LAMP3: variants seen among roughly 807,000 people sequenced by gnomAD.
LAMP3 encodes the protein lysosome associated membrane protein 3.
Under a neutral mutation model 34.8 loss-of-function variants are expected in LAMP3, and 26 were observed. The observed-to-expected ratio is 0.75, with a 90% confidence interval of 0.55 to 1.04. The LOEUF is 1.04. Among genes scored for constraint, LAMP3 ranks in the 50% least tolerant of loss-of-function variants. LAMP3 has a pLI of 0.00. For synonymous variants in LAMP3, 180 were observed against 201.9 expected, an observed-to-expected ratio of 0.89 and a Z score of 0.92; for missense variants, 495 against 524.0, an observed-to-expected ratio of 0.94 and a Z score of 0.54.
chr3:183,140,575 G>A lies in LAMP3; in HGVS notation c.909C>T (p.Ile303=), dbSNP rs1026032333. Residue 303 remains isoleucine (I), a synonymous_variant, in exon 4 of 6, where the codon ATC becomes ATT. Coordinates refer to ENST00000265598, the MANE Select transcript of LAMP3 (RefSeq NM_014398.4). ...CGGTCAAATAGGCTCCCACTTCACT[G>A]ATATAATATGATTCTTCATCCTGTA... ...TFTKDEESYY[I]SEVGAYLTVS... 1.2e-6 allele frequency: 2 copies of A among 1,601,800 alleles called. No homozygotes were observed. Among genetic ancestry groups the A allele is most frequent in the Non-Finnish European group, 1.7e-6 (2 of 1,168,924 alleles).
In LAMP3 at chr3:183,122,258, T is replaced by C. The variant is rs1423346664; in HGVS notation, c.*1823A>G. On this transcript the variant is annotated 3_prime_UTR_variant, in exon 6 of 6. Coordinates refer to ENST00000265598, the MANE Select transcript of LAMP3 (RefSeq NM_014398.4). ...TACAAAAACCTTTACTACAATTCAA[T>C]GTTTTATTAAGACTAAAGTCAGGAC... 1 of 152,230 alleles carries C rather than the reference T, an allele frequency of 6.6e-6. No homozygotes were observed. Among genetic ancestry groups the C allele is most frequent in the Admixed American group, 6.5e-5 (1 of 15,280 alleles). 9.4% of individuals were successfully genotyped at this position (152,230 alleles called of 1,614,324 possible). A position where few individuals can be genotyped will look rare whatever the true frequency, so the allele number is the denominator to read the frequency against.
At chr3:183,151,444 T>G (rs588460) in intron 3 of LAMP3, among the ~76,000 whole-genome samples, 98,829 of 128,654 alleles carry the variant, frequency 0.77, 38,088 homozygotes, top group Non-Finnish European at 0.8. Context: ...TTTTTTTTTT[T>G]GAGATGGAGT....
Position 183,140,410 on chromosome 3 carries a change from C to CA in LAMP3, c.946+127dup, listed in dbSNP as rs58229572. 506 of 194,356 alleles carry CA rather than the reference C, an allele frequency of 2.6e-3. 25 individuals are homozygous for CA. Among genetic ancestry groups the CA allele is most frequent in the African/African-American group, 8.5e-3 (112 of 13,230 alleles). 12.0% of individuals were successfully genotyped at this position (194,356 alleles called of 1,614,324 possible). Reference sequence around the variant, plus strand: ...TGGGAAACAGAGCAAGACTCCATCTCAAAAAAAAAAAAAAAAAAAAAAAAA... The same window carrying CA: ...TGGGAAACAGAGCAAGACTCCATCTCAAAAAAAAAAAAAAAAAAAAAAAAAA... On this transcript the variant is annotated intron_variant, in intron 4 of 5. Coordinates refer to ENST00000265598, the MANE Select transcript of LAMP3 (RefSeq NM_014398.4).
intron 3 of LAMP3, among the ~76,000 whole-genome samples, chr3:183,149,602 T>C (rs1403040792): frequency 9.2e-6 from 1 of 108,510 alleles, no homozygotes; most frequent in Non-Finnish European, 1.9e-5. Flanking sequence ...TATATATATA[T>C]ATATGTATAC....
intron 3 of LAMP3, among the ~76,000 whole-genome samples, chr3:183,148,133 C>G (rs1199367096): frequency 1.3e-5 from 2 of 152,146 alleles, no homozygotes; most frequent in Non-Finnish European, 2.9e-5. Context: ...AACAATGAAA[C>G]TAGACTCCTA....
intron 5 of LAMP3, among the ~76,000 whole-genome samples, chr3:183,134,264 A>C (rs1560305145): frequency 6.6e-6 from 1 of 152,122 alleles, no homozygotes; most frequent in Non-Finnish European, 1.5e-5. Context: ...GAGAGGAGTT[A>C]AGGAGAACTC....
At chr3:183,144,776 G>A (rs114510246) in intron 3 of LAMP3, among the ~76,000 whole-genome samples, 1,963 of 152,282 alleles carry the variant, frequency 0.013, 22 homozygotes, top group South Asian at 0.061. Context: ...ATGGTGGCAT[G>A]TACCTGTAGT....
At chr3:183,140,880 G>A (rs1215146757) in intron 3 of LAMP3, among the ~76,000 whole-genome samples, 1 of 152,128 alleles carries the variant, frequency 6.6e-6, no homozygotes, top group East Asian at 1.9e-4. Context: ...AGTCCCTTCG[G>A]TTGGGCCAAA....
intron 3 of LAMP3, among the ~76,000 whole-genome samples, chr3:183,145,420 G>T (rs1319435503): frequency 6.6e-6 from 1 of 152,156 alleles, no homozygotes; most frequent in Non-Finnish European, 1.5e-5. Context: ...TTATAGAAGA[G>T]GAACTGAGGC....
intron 3 of LAMP3, among the ~76,000 whole-genome samples, chr3:183,147,361 C>G (rs553224053): frequency 6.6e-6 from 1 of 152,306 alleles, no homozygotes; most frequent in African/African-American, 2.4e-5. Context: ...GGGCTAGACA[C>G]CAGCCCTGCC....
At chr3:183,153,340 C>T (rs1292116038) in intron 2 of LAMP3, among the ~76,000 whole-genome samples, 4 of 152,178 alleles carry the variant, frequency 2.6e-5, no homozygotes, top group South Asian at 2.1e-4. Context: ...TCTCATTTCA[C>T]GGGAAAGGAT....
At chr3:183,162,550 A>C in intron 1 of LAMP3, 57 bp downstream of exon 1, 1 of 1,514,728 alleles carries the variant, frequency 6.6e-7, no homozygotes, top group South Asian at 1.2e-5. Context: ...GAGTGCGTTT[A>C]GATGAAAGGG....
chr3:183,141,431 G>A (rs553676688), intron 3 of LAMP3, among the ~76,000 whole-genome samples: 12 of 152,280 alleles, frequency 7.9e-5, no homozygotes, highest in African/African-American at 2.9e-4. Context: ...AAGTTGAAAA[G>A]GGAGTTTCTA....
chr3:183,153,941 G>A lies in LAMP3; in HGVS notation c.500C>T (p.Thr167Ile). 1 of 1,614,210 alleles carries A rather than the reference G, an allele frequency of 6.2e-7. No homozygotes were observed. The highest frequency in any genetic ancestry group is 2.2e-5 in the East Asian group (1 of 44,890). Residue 167 changes from threonine to isoleucine, a missense_variant, in exon 2 of 6, where the codon ACC becomes ATC. By Grantham distance (89) the Thr-to-Ile change is moderately conservative. Transcript: ENST00000265598. ...TGCTATCGATAAAGTTGCTGGAAGG[G>A]TGGTCTGGTTACTGGGTTGAGTGGT... The part of the protein sequence containing the change: ...GNTTQPSNQT[T>I]LPATLSIALH...
At position 183,123,183 on chromosome 3, in the gene LAMP3, A is replaced by G. The variant is rs1397007492; in HGVS notation, c.*898T>C. The G allele has an allele frequency of 6.6e-6, 1 of 152,198 alleles. No individual in the cohort carries two copies. Among genetic ancestry groups the G allele is most frequent in the Non-Finnish European group, 1.5e-5 (1 of 68,042 alleles). 9.4% of individuals were successfully genotyped at this position (152,198 alleles called of 1,614,324 possible). A position where few individuals can be genotyped will look rare whatever the true frequency, so the allele number is the denominator to read the frequency against. On this transcript the variant is annotated 3_prime_UTR_variant, in exon 6 of 6. Coordinates refer to ENST00000265598, the MANE Select transcript of LAMP3 (RefSeq NM_014398.4). ...AGCAGGAGTCATCAAGATAAAAAATATAAGCTGATTTGTTCTTTTTGTTGG... is the reference window on the plus strand; with the variant it reads ...AGCAGGAGTCATCAAGATAAAAAATGTAAGCTGATTTGTTCTTTTTGTTGG...
At chr3:183,130,154 C>CTTTTT (rs34543624) in intron 5 of LAMP3, among the ~76,000 whole-genome samples, 1 of 70,978 alleles carries the variant, frequency 1.4e-5, no homozygotes. Flanking sequence ...ACCCTCACTC[C>CTTTTT]TTTTTTTTTT....
rs1191954676 is a variant in LAMP3, at chr3:183,126,561, TGTGC to T, written c.1118-2351_1118-2348del. 1.7e-3 allele frequency among the ~76,000 whole-genome samples: 248 copies of T among 147,648 alleles called. 1 individual carries two copies. Among genetic ancestry groups the T allele is most frequent in the African/African-American group, 4.8e-3 (189 of 39,160 alleles). ...GTGTGTGTGTGTGTGTGTGTGTGTG[TGTGC>T]ACACGTGTGCATGTGTGCAAACTCA... On this transcript the variant is annotated intron_variant, in intron 5 of 5. Coordinates refer to ENST00000265598, the MANE Select transcript of LAMP3 (RefSeq NM_014398.4).
chr3:183,149,461 C>T (rs1437458606), intron 3 of LAMP3, among the ~76,000 whole-genome samples: 1 of 147,346 alleles, frequency 6.8e-6, no homozygotes, highest in African/African-American at 2.5e-5. Flanking sequence ...AGGGAAATCA[C>T]TTGAACCTGA....
At chr3:183,148,408 C>T (rs1188613795) in intron 3 of LAMP3, among the ~76,000 whole-genome samples, 1 of 152,148 alleles carries the variant, frequency 6.6e-6, no homozygotes, top group Non-Finnish European at 1.5e-5. Context: ...AAAACGTTTG[C>T]AAACCATCCA....
Sources: allele counts gnomAD v4.1 joint callset (sites outside exome capture counted in the v4.1 genomes callset), GRCh38; gene constraint gnomAD v4.1.1; transcripts MANE v1.5; gene names NCBI Gene and HGNC (gene_info 2026-07-23, HGNC 2026-07-21).